The following GALNT17 variants were observed in gnomAD, a reference collection of about 807,000 sequenced individuals.
The protein encoded by GALNT17 is UDP-GalNAc:polypeptide N-acetylgalactosaminyltransferase-like 3.
Under a neutral mutation model 63.7 loss-of-function variants are expected in GALNT17, and 29 were observed. The observed-to-expected ratio is 0.46, with a 90% CI of 0.34 to 0.62. The LOEUF is 0.62. GALNT17 is among the 20% of genes least tolerant of loss of function. The pLI, the probability that GALNT17 is intolerant of heterozygous loss-of-function variation, is 0.01. For synonymous variants in GALNT17, 305 were observed against 318.3 expected, an observed-to-expected ratio of 0.96 and a Z score of 0.45; for missense variants, 603 against 799.6, an observed-to-expected ratio of 0.75 and a Z score of 2.97.
intron 1 of GALNT17, among the ~76,000 whole-genome samples, chr7:71,154,189 C>A (rs1382874372): frequency 6.6e-6 from 1 of 151,314 alleles, no homozygotes; most frequent in African/African-American, 2.4e-5. Flanking sequence ...TCGCTGAAGC[C>A]CCCATACTGG....
At chr7:71,420,784 T>C in intron 4 of GALNT17, 124 bp from the exon 5 acceptor site, 1 of 1,159,600 alleles carries the variant, frequency 8.6e-7, no homozygotes, top group Non-Finnish European at 1.3e-6. Context: ...TCAGTTTGCA[T>C]CTGAGTTCCA....
At chr7:71,615,167 A>C (rs1790182875) in intron 6 of GALNT17, among the ~76,000 whole-genome samples, 1 of 152,232 alleles carries the variant, frequency 6.6e-6, no homozygotes, top group Admixed American at 6.5e-5. Context: ...GCGCTTCAGC[A>C]CATAGCCTGC....
chr7:71,321,850 TTTCC>T (rs1399821960), intron 1 of GALNT17, among the ~76,000 whole-genome samples: 8 of 130,634 alleles, frequency 6.1e-5, no homozygotes, highest in Non-Finnish European at 9.8e-5. Flanking sequence ...CCTTCCTTCC[TTTCC>T]TTCCTTCCTT....
intron 1 of GALNT17, among the ~76,000 whole-genome samples, chr7:71,257,813 A>G (rs1232213110): frequency 6.6e-6 from 1 of 152,138 alleles, no homozygotes; most frequent in Non-Finnish European, 1.5e-5. Flanking sequence ...TTGTAATTTG[A>G]CAAAGGAAGA....
intron 1 of GALNT17, among the ~76,000 whole-genome samples, chr7:71,208,306 T>C (rs984396880): frequency 2.6e-5 from 4 of 152,116 alleles, no homozygotes; most frequent in Non-Finnish European, 5.9e-5. Context: ...CACAGGGAGA[T>C]TGATAAAAGG....
chr7:71,523,417 A>G (rs1297089432), intron 5 of GALNT17, among the ~76,000 whole-genome samples: 1 of 152,188 alleles, frequency 6.6e-6, no homozygotes, highest in East Asian at 1.9e-4. Context: ...TGACAGAGCG[A>G]GACCCTGTCT....
chr7:71,515,662 G>A (rs1584018417), intron 5 of GALNT17, among the ~76,000 whole-genome samples: 2 of 152,080 alleles, frequency 1.3e-5, no homozygotes, highest in Admixed American at 1.3e-4. Context: ...GGGGAGAGGA[G>A]AATTATCACC....
chr7:71,223,937 A>G (rs2116427264), intron 1 of GALNT17, among the ~76,000 whole-genome samples: 1 of 152,250 alleles, frequency 6.6e-6, no homozygotes, highest in South Asian at 2.1e-4. Flanking sequence ...GTATATATAT[A>G]CCACATTTTC....
intron 6 of GALNT17, among the ~76,000 whole-genome samples, chr7:71,590,944 A>G (rs968667671): frequency 1.3e-5 from 2 of 152,154 alleles, no homozygotes; most frequent in African/African-American, 4.8e-5. Context: ...TATTTTTAGT[A>G]CAGACAGGGT....
At chr7:71,175,152 CTTT>C (rs1425504845) in intron 1 of GALNT17, among the ~76,000 whole-genome samples, 11 of 119,634 alleles carry the variant, frequency 9.2e-5, no homozygotes, top group African/African-American at 5.7e-4. Flanking sequence ...ATCCATTCTT[CTTT>C]CTTTCTTCCT....
intron 3 of GALNT17, among the ~76,000 whole-genome samples, chr7:71,405,858 T>G (rs1793319042): frequency 6.6e-6 from 1 of 152,146 alleles, no homozygotes; most frequent in African/African-American, 2.4e-5. Context: ...TTAACATGAA[T>G]TTTGAGGGAA....
intron 1 of GALNT17, among the ~76,000 whole-genome samples, chr7:71,234,349 C>T (rs1489069439): frequency 6.6e-6 from 1 of 152,144 alleles, no homozygotes; most frequent in Non-Finnish European, 1.5e-5. Context: ...GCTACCTCTG[C>T]CTCCCAGGTT....
intron 2 of GALNT17, among the ~76,000 whole-genome samples, chr7:71,346,447 C>T (rs893663839): frequency 2.0e-5 from 3 of 152,020 alleles, no homozygotes; most frequent in Non-Finnish European, 2.9e-5. Flanking sequence ...TTATTGATCT[C>T]ATTTAAATTT....
chr7:71,181,146 T>G (rs1365702850), intron 1 of GALNT17, among the ~76,000 whole-genome samples: 1 of 151,628 alleles, frequency 6.6e-6, no homozygotes, highest in Non-Finnish European at 1.5e-5. Flanking sequence ...TCCCAGCTAC[T>G]TGGGAGGTTG....
intron 6 of GALNT17, among the ~76,000 whole-genome samples, chr7:71,611,403 G>C (rs1790123187): frequency 6.6e-6 from 1 of 152,086 alleles, no homozygotes. Context: ...CCTCCATCCT[G>C]GGACTCTTCC....
At chr7:71,595,680 C>T (rs1373104143) in intron 6 of GALNT17, among the ~76,000 whole-genome samples, 2 of 151,548 alleles carry the variant, frequency 1.3e-5, no homozygotes, top group African/African-American at 4.8e-5. Context: ...CACACACACA[C>T]ACACACACAC....
At chr7:71,707,442 G>A (rs565060) in intron 9 of GALNT17, among the ~76,000 whole-genome samples, 88,816 of 152,126 alleles carry the variant, frequency 0.58, 28,932 homozygotes, top group Non-Finnish European at 0.74. Flanking sequence ...TACTAGCCTA[G>A]TACAGGCCCT....
chr7:71,648,573 C>A (rs1584111701), intron 6 of GALNT17, among the ~76,000 whole-genome samples: 1 of 151,958 alleles, frequency 6.6e-6, no homozygotes, highest in South Asian at 2.1e-4. Context: ...ATGCTTGGTC[C>A]ACTCCTTTTT....
At chr7:71,424,508 C>T (rs1249943864) in intron 5 of GALNT17, among the ~76,000 whole-genome samples, 3 of 152,122 alleles carry the variant, frequency 2.0e-5, no homozygotes, top group African/African-American at 4.8e-5. Context: ...TCATAAGTTA[C>T]GGTAATATTA....
Sources: allele counts gnomAD v4.1 joint callset (sites outside exome capture counted in the v4.1 genomes callset), GRCh38; gene constraint gnomAD v4.1.1; transcripts MANE v1.5; gene names NCBI Gene and HGNC (gene_info 2026-07-23, HGNC 2026-07-21).